The following FRAS1 variants were observed in gnomAD, a reference collection of about 807,000 sequenced individuals.
FRAS1 encodes the protein Fraser extracellular matrix complex subunit 1.
FRAS1 carries 290 observed loss-of-function variants against 435.2 expected under a neutral mutation model. That is an observed-to-expected ratio of 0.67 (90% CI 0.61 to 0.73). FRAS1 has a LOEUF of 0.73. Among genes scored for constraint, FRAS1 ranks in the 30% least tolerant of loss-of-function variants. The pLI is 0.00. For missense variants in FRAS1, 4,860 were observed against 5,001.5 expected (o/e 0.97, Z 0.85); for synonymous variants, 1,800 against 1,851.0 (o/e 0.97, Z 0.71).
intron 41 of FRAS1, among the ~76,000 whole-genome samples, chr4:78,442,817 T>G (rs1297303401): frequency 6.6e-6 from 1 of 152,168 alleles, no homozygotes; most frequent in Non-Finnish European, 1.5e-5. Flanking sequence ...AGGAGGTTGG[T>G]GTGGGCCTGT....
chr4:78,084,100 A>G (rs1422005784), intron 2 of FRAS1, among the ~76,000 whole-genome samples: 1 of 152,124 alleles, frequency 6.6e-6, no homozygotes, highest in Admixed American at 6.6e-5. Context: ...TACTTTAAAA[A>G]TGGTATTACA....
intron 31 of FRAS1, 106 bp from the exon 32 acceptor site, chr4:78,412,863 C>G (rs1733394879): frequency 1.9e-6 from 1 of 533,874 alleles, no homozygotes; most frequent in Non-Finnish European, 3.3e-6. Flanking sequence ...AACGCAGGAG[C>G]ATATAGAATT....
At chr4:78,440,235 T>C (rs1734606127) in intron 40 of FRAS1, among the ~76,000 whole-genome samples, 1 of 151,844 alleles carries the variant, frequency 6.6e-6, no homozygotes, top group East Asian at 1.9e-4. Context: ...GGTTTCACCT[T>C]GTTAGCCAGG....
chr4:78,270,945 T>G (rs1381847783), intron 9 of FRAS1, among the ~76,000 whole-genome samples: 1 of 152,200 alleles, frequency 6.6e-6, no homozygotes, highest in Non-Finnish European at 1.5e-5. Context: ...TATAATCATT[T>G]ATGTATTTTT....
At chr4:78,074,451 C>A (rs1740530690) in intron 2 of FRAS1, among the ~76,000 whole-genome samples, 1 of 152,168 alleles carries the variant, frequency 6.6e-6, no homozygotes, top group African/African-American at 2.4e-5. Flanking sequence ...AGTGATCCAA[C>A]TGGATTCCAA....
At chr4:78,138,534 A>G (rs1252308675) in intron 2 of FRAS1, among the ~76,000 whole-genome samples, 1 of 152,216 alleles carries the variant, frequency 6.6e-6, no homozygotes, top group African/African-American at 2.4e-5. Flanking sequence ...GCTTGTTTTC[A>G]TAATAGCGAC....
At chr4:78,374,933 G>C (rs1393128599) in intron 25 of FRAS1, among the ~76,000 whole-genome samples, 1 of 152,150 alleles carries the variant, frequency 6.6e-6, no homozygotes, top group Non-Finnish European at 1.5e-5. Flanking sequence ...TATGAATCCT[G>C]TCTTACAAGT....
Position 78,369,880 on chromosome 4 carries a change from G to A in FRAS1, c.2765G>A (p.Cys922Tyr). Residue 922 changes from cysteine to tyrosine, a missense_variant, in exon 23 of 74, where the codon TGT becomes TAT. Cys to Tyr is a radical substitution (Grantham distance 194). Coordinates refer to ENST00000512123, the MANE Select transcript of FRAS1 (RefSeq NM_025074.7). ...GGAAGCTGTGATTCACAGGCCAGCT[G>A]TACCTCCTGCCGAGATCCAAACAAG... ...HCGSCDSQAS[C>Y]TSCRDPNKVL... is the part of the protein sequence containing the mutation. 1 of 1,613,520 alleles carries A rather than the reference G, an allele frequency of 6.2e-7. No homozygotes were observed. The highest frequency in any genetic ancestry group is 1.3e-5 in the African/African-American group (1 of 74,964).
Position 78,516,077 on chromosome 4 carries a change from C to T in FRAS1, c.10389+64C>T. On this transcript the variant is annotated intron_variant, in intron 66 of 73. Transcript: ENST00000512123. ...GGTGCCATGGTCAACCTTGTTTGTTCCTGAAGCACTTCAATTAGCACTTTG... is the reference window on the plus strand; with the variant it reads ...GGTGCCATGGTCAACCTTGTTTGTTTCTGAAGCACTTCAATTAGCACTTTG... 2.3e-6 allele frequency: 3 copies of T among 1,300,248 alleles called. No individual in the cohort carries two copies. In the South Asian group the frequency reaches 4.3e-5, roughly 19 times the overall value. The allele number at this position is 1,300,248 out of a possible 1,614,324, so 80.5% of individuals were successfully genotyped here.
At position 78,110,424 on chromosome 4, in the gene FRAS1, C is replaced by T. The variant is rs1356898627; in HGVS notation, c.108+44408C>T. ...AGAGATATAGATCAATGGAACAGAA[C>T]AGAGCCCTCAGAAATAATGCCGCAT... On this transcript the variant is annotated intron_variant, in intron 2 of 73. Transcript: ENST00000512123. Among the ~76,000 whole-genome samples the T allele has an allele frequency of 1.3e-4, 15 of 111,344 alleles. 4 individuals carry two copies. The highest frequency in any genetic ancestry group is 2.7e-4 in the African/African-American group (7 of 26,278). The allele number at this position is 111,344 out of a possible 152,430, so 73.0% of individuals were successfully genotyped here. A position where few individuals can be genotyped will look rare whatever the true frequency, so the allele number is the denominator to read the frequency against.
At chr4:78,380,874 AGAGGT>A (rs2110320881) in intron 27 of FRAS1, among the ~76,000 whole-genome samples, 1 of 152,314 alleles carries the variant, frequency 6.6e-6, no homozygotes, top group African/African-American at 2.4e-5. Flanking sequence ...ATTGTAATTC[AGAGGT>A]GATGATGCCA....
At position 78,106,240 on chromosome 4, in the gene FRAS1, C is replaced by T. The variant is rs1245235828; in HGVS notation, c.108+40224C>T. Among the ~76,000 whole-genome samples the T allele has an allele frequency of 6.8e-5, 6 of 88,856 alleles. No individual in the cohort carries two copies. The East Asian group carries it at 1.5e-3, about 22-fold the overall frequency. The allele number at this position is 88,856 out of a possible 152,430, so 58.3% of individuals were successfully genotyped here. A position where few individuals can be genotyped will look rare whatever the true frequency, so the allele number is the denominator to read the frequency against. On this transcript the variant is annotated intron_variant, in intron 2 of 73. Coordinates refer to ENST00000512123, the MANE Select transcript of FRAS1 (RefSeq NM_025074.7). ...GCTGGGAAGCTCGAACTGGGTGGAG[C>T]CCACCACAGCTCAAGGAGGCCTGCC... is the stretch of plus-strand genomic sequence containing the variant.
rs1247939145 is a variant in FRAS1 at position 78,423,504 on chromosome 4, A to G, written c.4679-884A>G. 2.0e-5 allele frequency among the ~76,000 whole-genome samples: 3 copies of G among 152,332 alleles called. No individual in the cohort carries two copies. In the East Asian group the frequency reaches 5.8e-4, roughly 29 times the overall value. On this transcript the variant is annotated intron_variant, in intron 34 of 73. Transcript: ENST00000512123. Reference sequence around the variant, plus strand: ...TAAGGTGTATGTACTACATAACACCATGGATATAGGGTATTCTTTTTATAC... The same window carrying G: ...TAAGGTGTATGTACTACATAACACCGTGGATATAGGGTATTCTTTTTATAC...
In FRAS1 at chr4:78,438,722, C is replaced by T. The variant is rs1289187315; in HGVS notation, c.5366+4C>T. On this transcript the variant is annotated splice_donor_region_variant and intron_variant, in intron 39 of 73. Transcript: ENST00000512123. ...ACATCAATAACAAGAAAATCAGGTA[C>T]ATAATCACTTTGTATTATTTGACAG... 1.3e-6 allele frequency: 2 copies of T among 1,584,172 alleles called. No individual in the cohort carries two copies. The highest frequency in any genetic ancestry group is 1.2e-5 in the South Asian group (1 of 86,746).
chr4:78,531,311 C>T (rs1383188490), intron 70 of FRAS1, among the ~76,000 whole-genome samples: 2 of 152,154 alleles, frequency 1.3e-5, no homozygotes, highest in East Asian at 1.9e-4. Context: ...TTCCTCTCTT[C>T]CTATTTGAGT....
chr4:78,196,069 A>C (rs1722798080), intron 2 of FRAS1, among the ~76,000 whole-genome samples: 1 of 151,762 alleles, frequency 6.6e-6, no homozygotes, highest in African/African-American at 2.4e-5. Context: ...GTGCAGTGGC[A>C]AGATCTCGGC....
chr4:78,333,911 C>G (rs1458080379), intron 19 of FRAS1, among the ~76,000 whole-genome samples: 1 of 152,060 alleles, frequency 6.6e-6, no homozygotes, highest in Non-Finnish European at 1.5e-5. Context: ...TCAAGCAGTC[C>G]TCCCACCTCA....
At position 78,511,415 on chromosome 4, in the gene FRAS1, G is replaced by T; in HGVS notation, c.9922G>T (p.Val3308Leu). ...GTDSAICHTP[V>L]VAGTSRGFQA... ...AGACAGTGCTATCTGCCACACACCA[G>T]TGGTGGCTGGGACATCCAGAGGCTT... The change falls in exon 64 of 74, where the codon GTG (valine) becomes TTG (leucine). Residue 3308 changes from valine to leucine, a missense_variant. Val to Leu is a conservative substitution (Grantham distance 32). Coordinates refer to ENST00000512123, the MANE Select transcript of FRAS1 (RefSeq NM_025074.7). 1 of 1,613,928 alleles carries T rather than the reference G, an allele frequency of 6.2e-7. No homozygotes were observed. The highest frequency in any genetic ancestry group is 2.2e-5 in the East Asian group (1 of 44,862).
chr4:78,489,968 CAAAAAAA>C (rs61568957), intron 59 of FRAS1, among the ~76,000 whole-genome samples: 36 of 92,610 alleles, frequency 3.9e-4, no homozygotes, highest in Admixed American at 8.0e-4. Flanking sequence ...TAGTGGAAAA[CAAAAAAA>C]AAAAAAAAAA....
Sources: allele counts gnomAD v4.1 joint callset (sites outside exome capture counted in the v4.1 genomes callset), GRCh38; gene constraint gnomAD v4.1.1; transcripts MANE v1.5; gene names NCBI Gene and HGNC (gene_info 2026-07-23, HGNC 2026-07-21).